The following TMEM40 variants were observed in gnomAD, a reference collection of about 807,000 sequenced individuals.
TMEM40 encodes transmembrane protein 40.
TMEM40 carries 34 observed loss-of-function variants against 40.8 expected under a neutral mutation model. The observed-to-expected ratio is 0.83, with a 90% CI of 0.63 to 1.11. The LOEUF is 1.11. Among genes scored for constraint, TMEM40 ranks in the 50% least tolerant of loss-of-function variants. The pLI is 0.00. For synonymous variants in TMEM40, 106 were observed against 107.0 expected (o/e 0.99, Z 0.06); for missense variants, 296 against 280.2 (o/e 1.06, Z -0.40).
intron 9 of TMEM40, 48 bp from the exon 10 acceptor site, chr3:12,736,700 C>A (rs771338269): frequency 4.8e-5 from 78 of 1,613,502 alleles, no homozygotes; most frequent in Non-Finnish European, 6.6e-5. Context: ...GGTCTTGACG[C>A]CCCTGCCCCC....
At chr3:12,736,156 T>TC in intron 10 of TMEM40, among the ~76,000 whole-genome samples, 1 of 151,690 alleles carries the variant, frequency 6.6e-6, no homozygotes, top group Middle Eastern at 3.4e-3. Context: ...GAAATTTTTT[T>TC]TTTTTTTTTT....
intron 1 of TMEM40, among the ~76,000 whole-genome samples, chr3:12,767,460 A>G (rs1161185064): frequency 6.6e-6 from 1 of 152,102 alleles, no homozygotes; most frequent in African/African-American, 2.4e-5. Flanking sequence ...GCTTCGGTTC[A>G]CCTTCTCTAC....
In TMEM40 at chr3:12,734,138, T is replaced by G. The variant is rs776127551; in HGVS notation, c.*636A>C. On this transcript the variant is annotated 3_prime_UTR_variant, in exon 12 of 12. Coordinates refer to ENST00000314124, the MANE Select transcript of TMEM40 (RefSeq NM_018306.4). ...TATGTTGCCCAGGTTGGTCTTGAAC[T>G]CTCAGCTTCAAGCGACCCTTAGCCT... 6.6e-6 allele frequency: 1 copy of G among 152,186 alleles called. No homozygotes were observed. The highest frequency in any genetic ancestry group is 2.4e-5 in the African/African-American group (1 of 41,400). The allele number at this position is 152,186 out of a possible 1,614,324, so 9.4% of individuals were successfully genotyped here.
At chr3:12,738,303 C>A in intron 6 of TMEM40, 135 bp from the exon 7 acceptor site, 1 of 1,077,950 alleles carries the variant, frequency 9.3e-7, no homozygotes, top group Non-Finnish European at 1.4e-6. Context: ...GTATCCTTCT[C>A]TCTATTGATG....
chr3:12,745,226 A>ATTTTTTTTTTTT (rs144839288), intron 3 of TMEM40, among the ~76,000 whole-genome samples: 6 of 127,104 alleles, frequency 4.7e-5, no homozygotes, highest in African/African-American at 1.9e-4. Context: ...CACCTGGCTA[A>ATTTTTTTTTTTT]TTTTTTTTTT....
chr3:12,760,530 C>G (rs1368720413), upstream of TMEM40, among the ~76,000 whole-genome samples: 1 of 152,056 alleles, frequency 6.6e-6, no homozygotes, highest in Non-Finnish European at 1.5e-5. Flanking sequence ...ACCTGGCCCC[C>G]CGCTCACTTC....
intron 7 of TMEM40, 44 bp from the exon 8 acceptor site, chr3:12,737,798 C>T (rs546273805): frequency 1.3e-4 from 212 of 1,586,444 alleles, no homozygotes; most frequent in Admixed American, 1.5e-4. Context: ...TGATGCAGGA[C>T]GGGAGGTGGG....
intron 1 of TMEM40, among the ~76,000 whole-genome samples, chr3:12,755,263 C>T (rs575174749): frequency 9.6e-6 from 1 of 104,278 alleles, no homozygotes; most frequent in African/African-American, 4.9e-5. Flanking sequence ...TTCTTTCTTT[C>T]TTTCTTTCTT....
At chr3:12,766,864 TCTC>T (rs56839842) in intron 1 of TMEM40, among the ~76,000 whole-genome samples, 17,320 of 151,954 alleles carry the variant, frequency 0.11, 2,829 homozygotes, top group African/African-American at 0.37. Flanking sequence ...AGGACCCAGA[TCTC>T]CTCCTGACCC....
intron 3 of TMEM40, among the ~76,000 whole-genome samples, chr3:12,744,931 T>C (rs1559527883): frequency 1.3e-5 from 2 of 152,196 alleles, no homozygotes; most frequent in Non-Finnish European, 1.5e-5. Flanking sequence ...GGAGAGAGGA[T>C]TTTGGGTGAC....
At chr3:12,747,910 CAAAAAAAAAAAAA>C (rs747586371) in intron 3 of TMEM40, among the ~76,000 whole-genome samples, 1 of 27,568 alleles carries the variant, frequency 3.6e-5, no homozygotes, top group Non-Finnish European at 8.3e-5. Flanking sequence ...GATTCTGTCT[CAAAAAAAAAAAAA>C]AAAAAAAAAA....
chr3:12,759,857 G>C (rs1477400567), upstream of TMEM40, among the ~76,000 whole-genome samples: 1 of 152,122 alleles, frequency 6.6e-6, no homozygotes, highest in African/African-American at 2.4e-5. Context: ...ACCTCACACA[G>C]CCGAGGGCAG....
Position 12,748,698 on chromosome 3 carries a change from AGAGGAG to A in TMEM40, c.162_167del (p.Ser69_Ser70del), listed in dbSNP as rs760060307. ...AAGAAGATGAGGAGGATGAGGAGGA[AGAGGAG>A]GAGGAGGAAGAAGACTTGTTTCTCT... On this transcript the variant is annotated inframe_deletion, in exon 3 of 12. Coordinates refer to ENST00000314124, the MANE Select transcript of TMEM40 (RefSeq NM_018306.4). The A allele has an allele frequency of 1.1e-5, 18 of 1,612,756 alleles. No individual in the cohort carries two copies. In the South Asian group the frequency reaches 1.2e-4, roughly 11 times the overall value.
chr3:12,746,603 G>A (rs1575736902), intron 3 of TMEM40, among the ~76,000 whole-genome samples: 2 of 152,186 alleles, frequency 1.3e-5, no homozygotes, highest in African/African-American at 4.8e-5. Context: ...GGCCTTCTAG[G>A]GTAGCGGGTC....
At chr3:12,760,523 TG>T (rs1192186420), upstream of TMEM40, among the ~76,000 whole-genome samples, 1 of 151,904 alleles carries the variant, frequency 6.6e-6, no homozygotes, top group African/African-American at 2.4e-5. Context: ...GAAAGCCACC[TG>T]GCCCCCCGCT....
At chr3:12,768,106 T>C (rs2061602752) in intron 1 of TMEM40, among the ~76,000 whole-genome samples, 1 of 152,132 alleles carries the variant, frequency 6.6e-6, no homozygotes, top group Non-Finnish European at 1.5e-5. Context: ...TCTGGTGGGT[T>C]CACGGTCTCG....
chr3:12,752,524 C>T (rs946680786), intron 1 of TMEM40, among the ~76,000 whole-genome samples: 37 of 152,156 alleles, frequency 2.4e-4, no homozygotes, highest in African/African-American at 5.5e-4. Context: ...ACCGGCCGGG[C>T]GCGGTGGTTC....
intron 3 of TMEM40, among the ~76,000 whole-genome samples, 175 bp downstream of exon 3, chr3:12,748,480 C>A (rs1422456132): frequency 6.6e-6 from 1 of 152,136 alleles, no homozygotes; most frequent in Non-Finnish European, 1.5e-5. Context: ...ATTGCCTATA[C>A]GATCAATGAT....
At chr3:12,749,939 C>G in intron 1 of TMEM40, 99 bp from the exon 2 acceptor site, 1 of 1,129,966 alleles carries the variant, frequency 8.8e-7, no homozygotes, top group Non-Finnish European at 1.3e-6. Context: ...AAACACTCAA[C>G]ATTCAAAGGA....
Sources: allele counts gnomAD v4.1 joint callset (sites outside exome capture counted in the v4.1 genomes callset), GRCh38; gene constraint gnomAD v4.1.1; transcripts MANE v1.5; gene names NCBI Gene and HGNC (gene_info 2026-07-23, HGNC 2026-07-21).